The following BLOC1S6 variants were observed in gnomAD, a reference collection of about 807,000 sequenced individuals.
BLOC1S6 encodes biogenesis of lysosome-related organelles complex 1 subunit 6.
BLOC1S6 carries 24 observed loss-of-function variants against 24.7 expected under a neutral mutation model. That is an observed-to-expected ratio of 0.97 (90% confidence interval 0.70 to 1.37). The LOEUF (loss-of-function observed/expected upper bound fraction) is 1.37. Among genes scored for constraint, BLOC1S6 ranks in the 40% most tolerant of loss-of-function variants. The pLI is 0.00. For synonymous variants in BLOC1S6, 76 were observed against 72.6 expected (o/e 1.05, Z -0.23); for missense variants, 175 against 196.2 (o/e 0.89, Z 0.64).
rs563771757 is a variant in BLOC1S6, at chr15:45,603,738, C to T, written c.312+551C>T. On this transcript the variant is annotated intron_variant, in intron 3 of 4. Coordinates refer to ENST00000220531, the MANE Select transcript of BLOC1S6 (RefSeq NM_012388.4). ...TCAAAAAACAAACAAACAAAAAGAGCGAACTGGAAGTAATGAACCTTTGGG... is the reference window on the plus strand; with the variant it reads ...TCAAAAAACAAACAAACAAAAAGAGTGAACTGGAAGTAATGAACCTTTGGG... Among the ~76,000 whole-genome samples the T allele has an allele frequency of 7.2e-5, 11 of 151,974 alleles. No individual in the cohort carries two copies. The South Asian group carries it at 8.3e-4, about 11-fold the overall frequency.
intron 1 of BLOC1S6, among the ~76,000 whole-genome samples, chr15:45,588,433 C>A (rs1241165588): frequency 6.6e-6 from 1 of 152,204 alleles, no homozygotes; most frequent in African/African-American, 2.4e-5. Context: ...CATGTCTCAT[C>A]CTGTTAATGG....
At chr15:45,587,131 C>A (rs1893699196), upstream of BLOC1S6, 1 of 445,242 alleles carries the variant, frequency 2.2e-6, no homozygotes. Flanking sequence ...TGACCCACCC[C>A]GTGAGCAGCC....
At chr15:45,595,412 G>A (rs1406873949) in intron 2 of BLOC1S6, among the ~76,000 whole-genome samples, 1 of 152,114 alleles carries the variant, frequency 6.6e-6, no homozygotes. Flanking sequence ...CTGGGACAAA[G>A]ATCAGACAAA....
In BLOC1S6 at chr15:45,606,541, C is replaced by A; in HGVS notation, c.*27C>A. 1 of 1,614,042 alleles carries A rather than the reference C, an allele frequency of 6.2e-7. No individual in the cohort carries two copies. The highest frequency in any genetic ancestry group is 8.5e-7 in the Non-Finnish European group (1 of 1,179,994). On this transcript the variant is annotated 3_prime_UTR_variant, in exon 5 of 5. Coordinates refer to ENST00000220531, the MANE Select transcript of BLOC1S6 (RefSeq NM_012388.4). ...AAGTTGTGTTTGTGTGTTTTCTTCT[C>A]CTGTCCCATATTTGGGTTATGATGA...
intron 1 of BLOC1S6, among the ~76,000 whole-genome samples, chr15:45,589,361 G>A (rs896035434): frequency 6.6e-6 from 1 of 152,218 alleles, no homozygotes; most frequent in South Asian, 2.1e-4. Context: ...TAGAGGGTAA[G>A]AAGAAGTATT....
chr15:45,593,418 G>A (rs920655501), intron 2 of BLOC1S6, among the ~76,000 whole-genome samples: 2 of 150,722 alleles, frequency 1.3e-5, no homozygotes, highest in South Asian at 2.1e-4. Context: ...AGTGGTACTG[G>A]GTTATTCTAA....
At chr15:45,603,553 T>A (rs1441531125) in intron 3 of BLOC1S6, among the ~76,000 whole-genome samples, 1 of 151,874 alleles carries the variant, frequency 6.6e-6, no homozygotes, top group Non-Finnish European at 1.5e-5. Context: ...CTACAAAAAG[T>A]AATTTAGAAA....
At chr15:45,594,014 A>G (rs529419126) in intron 2 of BLOC1S6, among the ~76,000 whole-genome samples, 76 of 152,322 alleles carry the variant, frequency 5.0e-4, no homozygotes, top group African/African-American at 1.8e-3. Flanking sequence ...GAGAAAGGAA[A>G]AAGAGAGTAT....
At chr15:45,595,234 T>A (rs1246915525) in intron 2 of BLOC1S6, among the ~76,000 whole-genome samples, 1 of 152,178 alleles carries the variant, frequency 6.6e-6, no homozygotes. Context: ...TATTTAGAAG[T>A]TCTTTCTTTG....
rs571083206 is a variant in BLOC1S6 at position 45,592,411 on chromosome 15, T to C, written c.224+135T>C. The C allele has an allele frequency of 3.3e-5, 37 of 1,108,300 alleles. No homozygotes were observed. The African/African-American group carries it at 4.8e-4, about 14-fold the overall frequency. 68.7% of individuals were successfully genotyped at this position (1,108,300 alleles called of 1,614,324 possible). On this transcript the variant is annotated intron_variant, in intron 2 of 4. Coordinates refer to ENST00000220531, the MANE Select transcript of BLOC1S6 (RefSeq NM_012388.4). ...TTGAGTATGTCTATATCTTTATTGA[T>C]AGCAGATGGGAATAGAGGAGTACAT... is the stretch of plus-strand genomic sequence containing the variant.
chr15:45,600,103 T>G (rs1388552920), intron 2 of BLOC1S6, among the ~76,000 whole-genome samples: 1 of 142,020 alleles, frequency 7.0e-6, no homozygotes, highest in Non-Finnish European at 1.5e-5. Flanking sequence ...ACACCGCATA[T>G]TCTCACTCAT....
chr15:45,595,590 T>C (rs1281925852), intron 2 of BLOC1S6, among the ~76,000 whole-genome samples: 1 of 152,154 alleles, frequency 6.6e-6, no homozygotes, highest in Non-Finnish European at 1.5e-5. Context: ...TTACTCTCTT[T>C]ACAGTGTCTT....
chr15:45,602,990 A>G (rs533318841), intron 2 of BLOC1S6, 110 bp from the exon 3 acceptor site: 7 of 736,312 alleles, frequency 9.5e-6, no homozygotes, highest in Admixed American at 2.0e-5. Context: ...GAGTTAATAC[A>G]TTTCCTACTT....
At chr15:45,597,013 A>T (rs1894101602) in intron 2 of BLOC1S6, among the ~76,000 whole-genome samples, 1 of 152,186 alleles carries the variant, frequency 6.6e-6, no homozygotes, top group Non-Finnish European at 1.5e-5. Flanking sequence ...GAAATTGGGT[A>T]CTGTGAGTCT....
chr15:45,606,378 T>TA lies in BLOC1S6; in HGVS notation c.400-17_400-16insA. 6.5e-7 allele frequency: 1 copy of TA among 1,534,310 alleles called. No homozygotes were observed. The highest frequency in any genetic ancestry group is 8.9e-7 in the Non-Finnish European group (1 of 1,121,200). ...CCTGATTGCTCTCTTGGTTTTTAAA[T>TA]TTTTTTTTTAACACAGAAAAGAGCA... is the stretch of plus-strand genomic sequence containing the variant. On this transcript the variant is annotated splice_polypyrimidine_tract_variant and intron_variant, in intron 4 of 4. Transcript: ENST00000220531.
In BLOC1S6 at chr15:45,587,519, A is replaced by T. The variant is rs1254776880; in HGVS notation, c.76A>T (p.Thr26Ser). 6 of 1,572,764 alleles carry T rather than the reference A, an allele frequency of 3.8e-6. No homozygotes were observed. Among genetic ancestry groups the T allele is most frequent in the Non-Finnish European group, 4.3e-6 (5 of 1,159,840 alleles). Residue 26 changes from threonine to serine, a missense_variant, in exon 1 of 5, where the codon ACG becomes TCG. Thr to Ser is a moderately conservative substitution (Grantham distance 58). Transcript: ENST00000220531. ...CTACTGCCTGGAGGCCGGGGAGCCG[A>T]CGCCTGGTACGTACTATCGGGTGGG... ...PPYCLEAGEPTPGLSDTSPDE... is the reference protein window; with the variant it reads ...PPYCLEAGEPSPGLSDTSPDE...
At position 45,603,170 on chromosome 15, in the gene BLOC1S6, T is replaced by C. The variant is rs377384895; in HGVS notation, c.295T>C (p.Leu99=). The change falls in exon 3 of 5, where the codon TTG becomes CTG. Residue 99 remains leucine, a synonymous_variant. Transcript: ENST00000220531. ...AAAATTTAAAGAATGTCATTCTATG[T>C]TGGATATTAATGCTTTGGTAAGTAT... ...ISKFKECHSM[L]DINALFAEAK... The C allele has an allele frequency of 1.3e-6, 2 of 1,597,744 alleles. No individual in the cohort carries two copies. Among genetic ancestry groups the C allele is most frequent in the Non-Finnish European group, 1.7e-6 (2 of 1,165,948 alleles).
upstream of BLOC1S6, chr15:45,587,356 T>TC: frequency 7.6e-7 from 1 of 1,312,502 alleles, no homozygotes; most frequent in African/African-American, 1.5e-5. Flanking sequence ...ATCTCTTCTG[T>TC]CCGGCCAGCC....
At chr15:45,602,770 G>A (rs1448979453) in intron 2 of BLOC1S6, among the ~76,000 whole-genome samples, 6 of 152,078 alleles carry the variant, frequency 3.9e-5, no homozygotes, top group African/African-American at 1.4e-4. Flanking sequence ...ATAAAACATT[G>A]AACTTCTTGG....
Sources: gnomAD v4.1 joint callset for allele counts (sites outside exome capture counted in the v4.1 genomes callset) on GRCh38, gnomAD v4.1.1 for gene constraint, MANE v1.5 for transcripts, NCBI Gene and HGNC (gene_info 2026-07-23, HGNC 2026-07-21) for gene names.